The following DNM3 variants were observed in gnomAD, a reference collection of about 807,000 sequenced individuals.
DNM3 encodes dynamin-3.
In DNM3, 47 loss-of-function variants were observed where a neutral mutation model predicts 101.6. That is an observed-to-expected ratio of 0.46 (90% CI 0.37 to 0.59). DNM3 has a LOEUF of 0.59. DNM3 is among the 20% of genes least tolerant of loss of function. The probability of loss-of-function intolerance (pLI) is 0.00; values close to 1 mark genes in which losing one functional copy is unlikely to be tolerated. For missense variants in DNM3, 849 were observed against 1,085.7 expected (o/e 0.78, Z 3.06); for synonymous variants, 385 against 387.9 (o/e 0.99, Z 0.09).
chr1:172,234,897 C>G (rs1258455599), intron 14 of DNM3, among the ~76,000 whole-genome samples: 1 of 152,200 alleles, frequency 6.6e-6, no homozygotes, highest in Non-Finnish European at 1.5e-5. Flanking sequence ...CATAAAAACC[C>G]TAGAAGAAAA....
intron 17 of DNM3, among the ~76,000 whole-genome samples, chr1:172,371,854 A>C (rs953177047): frequency 2.1e-4 from 30 of 145,706 alleles, no homozygotes; most frequent in African/African-American, 7.6e-4. Flanking sequence ...TTTTATTTTT[A>C]TTTATTTTTA....
At chr1:172,104,363 T>G (rs1177549194) in intron 13 of DNM3, among the ~76,000 whole-genome samples, 1 of 152,104 alleles carries the variant, frequency 6.6e-6, no homozygotes, top group Non-Finnish European at 1.5e-5. Context: ...TTTGTTTGTT[T>G]GATAATCATA....
chr1:172,236,952 C>T (rs1186771178), intron 14 of DNM3, among the ~76,000 whole-genome samples: 1 of 152,130 alleles, frequency 6.6e-6, no homozygotes, highest in Non-Finnish European at 1.5e-5. Flanking sequence ...CTATCTCACT[C>T]ATTCTCTCCT....
At chr1:172,107,593 G>C (rs548318149) in intron 13 of DNM3, among the ~76,000 whole-genome samples, 1 of 152,142 alleles carries the variant, frequency 6.6e-6, no homozygotes, top group Non-Finnish European at 1.5e-5. Context: ...AAGGTGTCAC[G>C]AGATCTTTTG....
In DNM3 at chr1:171,907,612, G is replaced by A. The variant is rs537073637; in HGVS notation, c.162-14136G>A. 8.5e-5 allele frequency among the ~76,000 whole-genome samples: 13 copies of A among 152,116 alleles called. No homozygotes were observed. The South Asian group carries it at 1.2e-3, about 15-fold the overall frequency. On this transcript the variant is annotated intron_variant, in intron 1 of 20. Coordinates refer to ENST00000627582, the MANE Select transcript of DNM3 (RefSeq NM_015569.5). ...CCTACAATGGCTGAGGTGATCTGGC[G>A]CCCCTTTCTTTCTCTCTGACCTAAT...
At chr1:172,259,621 A>T (rs1252717003) in intron 15 of DNM3, among the ~76,000 whole-genome samples, 1 of 151,926 alleles carries the variant, frequency 6.6e-6, no homozygotes, top group East Asian at 1.9e-4. Flanking sequence ...CTTTATTTTC[A>T]GTTTATATAT....
At chr1:172,304,592 A>G (rs569692089) in intron 15 of DNM3, among the ~76,000 whole-genome samples, 1 of 152,308 alleles carries the variant, frequency 6.6e-6, no homozygotes, top group East Asian at 1.9e-4. Flanking sequence ...TCTTCTCATC[A>G]CCACATCCCA....
chr1:172,416,069 A>G (rs1326894439), downstream of DNM3, among the ~76,000 whole-genome samples: 1 of 152,124 alleles, frequency 6.6e-6, no homozygotes, highest in Non-Finnish European at 1.5e-5. Context: ...CTTTGAAGTT[A>G]TTTTTCAGAA....
At chr1:172,168,809 C>G (rs1300607993) in intron 14 of DNM3, among the ~76,000 whole-genome samples, 2 of 151,874 alleles carry the variant, frequency 1.3e-5, no homozygotes, top group Non-Finnish European at 2.9e-5. Flanking sequence ...TGAGAACTTT[C>G]AGACATTTTA....
At chr1:172,098,214 C>T (rs1467948948) in intron 13 of DNM3, among the ~76,000 whole-genome samples, 4 of 152,162 alleles carry the variant, frequency 2.6e-5, no homozygotes, top group Non-Finnish European at 5.9e-5. Context: ...ATCTCTACAG[C>T]TTCGACCGTA....
intron 2 of DNM3, among the ~76,000 whole-genome samples, chr1:171,966,307 C>G (rs2043586026): frequency 6.6e-6 from 1 of 152,240 alleles, no homozygotes. Context: ...CCCTCTCCCT[C>G]AGCTGCAGGA....
chr1:172,090,488 G>C (rs773482894), intron 12 of DNM3, among the ~76,000 whole-genome samples: 27 of 152,100 alleles, frequency 1.8e-4, no homozygotes, highest in Non-Finnish European at 3.7e-4. Flanking sequence ...TGTAGATTTA[G>C]ATTGTTCAGA....
intron 2 of DNM3, among the ~76,000 whole-genome samples, chr1:171,949,626 G>T (rs2042381823): frequency 6.6e-6 from 1 of 151,756 alleles, no homozygotes; most frequent in African/African-American, 2.4e-5. Flanking sequence ...ATGTTGCCAG[G>T]GTTGGTCTTG....
intron 7 of DNM3, among the ~76,000 whole-genome samples, chr1:172,041,196 T>A (rs2049361387): frequency 6.6e-6 from 1 of 152,026 alleles, no homozygotes; most frequent in Non-Finnish European, 1.5e-5. Context: ...CAAGGCAGTG[T>A]CAGTAGGTGT....
At chr1:172,230,907 T>A (rs1290055561) in intron 14 of DNM3, among the ~76,000 whole-genome samples, 2 of 152,036 alleles carry the variant, frequency 1.3e-5, no homozygotes, top group Non-Finnish European at 2.9e-5. Flanking sequence ...CTTAGTCCCC[T>A]TTGACTAGTT....
At chr1:172,121,892 GTCAATCCAGTCAGT>G (rs1439433566) in intron 13 of DNM3, among the ~76,000 whole-genome samples, 1 of 152,114 alleles carries the variant, frequency 6.6e-6, no homozygotes, top group African/African-American at 2.4e-5. Flanking sequence ...AATGTTTTCA[GTCAATCCAGTCAGT>G]TCCTTATTTA....
At chr1:172,245,894 A>T (rs2061934257) in intron 14 of DNM3, among the ~76,000 whole-genome samples, 1 of 152,122 alleles carries the variant, frequency 6.6e-6, no homozygotes, top group Admixed American at 6.6e-5. Context: ...ACTACCTGAG[A>T]CTGGATAATT....
At chr1:172,032,540 T>G (rs1481166244) in intron 5 of DNM3, 40 bp downstream of exon 5, 3 of 1,329,242 alleles carry the variant, frequency 2.3e-6, no homozygotes, top group Admixed American at 2.4e-5. Flanking sequence ...TTTTTTTTTT[T>G]TTTTTTTTTT....
At chr1:172,240,552 T>A in intron 14 of DNM3, among the ~76,000 whole-genome samples, 1 of 152,138 alleles carries the variant, frequency 6.6e-6, no homozygotes. Context: ...AAACATATGG[T>A]ATATTTAGCC....
Sources: gnomAD v4.1 joint callset for allele counts (sites outside exome capture counted in the v4.1 genomes callset) on GRCh38, gnomAD v4.1.1 for gene constraint, MANE v1.5 for transcripts, NCBI Gene and HGNC (gene_info 2026-07-23, HGNC 2026-07-21) for gene names.